Variants in EXOC4 observed in about 807,000 individuals in gnomAD.
EXOC4 encodes the protein SEC8-like 1.
Under a neutral mutation model 107.2 loss-of-function variants are expected in EXOC4, and 71 were observed. The ratio of observed to expected loss-of-function variants is 0.66; its 90% CI spans 0.55 to 0.81. The LOEUF (loss-of-function observed/expected upper bound fraction) is 0.81. Among genes scored for constraint, EXOC4 ranks in the 30% least tolerant of loss-of-function variants. The probability of loss-of-function intolerance (pLI) is 0.00; values close to 1 mark genes in which losing one functional copy is unlikely to be tolerated. For missense variants in EXOC4, 1,108 were observed against 1,189.6 expected (o/e 0.93, Z 1.01); for synonymous variants, 456 against 441.2 (o/e 1.03, Z -0.42).
chr7:133,692,979 A>G (rs1179664493), intron 10 of EXOC4, among the ~76,000 whole-genome samples: 1 of 152,202 alleles, frequency 6.6e-6, no homozygotes, highest in African/African-American at 2.4e-5. Context: ...GGATAGGGAA[A>G]CTGAGGTCCA....
chr7:133,344,544 G>A (rs1270129862), intron 5 of EXOC4, among the ~76,000 whole-genome samples: 1 of 152,028 alleles, frequency 6.6e-6, no homozygotes, highest in African/African-American at 2.4e-5. Flanking sequence ...TCTTGTCATC[G>A]GGTAGGATTC....
Position 134,056,151 on chromosome 7 carries a change from G to A in EXOC4, c.2688-8140G>A, listed in dbSNP as rs972725543. 5.3e-5 allele frequency among the ~76,000 whole-genome samples: 8 copies of A among 152,222 alleles called. 1 individual carries two copies. The South Asian group carries it at 1.5e-3, about 28-fold the overall frequency. On this transcript the variant is annotated intron_variant, in intron 17 of 17. Transcript: ENST00000253861. ...TGGTCACTAAAGTATATAATACAAT[G>A]TCCTTTTTATCACCCTATGATATTA... is the stretch of plus-strand genomic sequence containing the variant.
intron 16 of EXOC4, among the ~76,000 whole-genome samples, chr7:134,005,960 T>C (rs184916195): frequency 1.3e-5 from 2 of 152,294 alleles, no homozygotes; most frequent in East Asian, 3.9e-4. Context: ...TGTTGGGGTA[T>C]ATCTCTCAAA....
chr7:134,034,862 C>T (rs767707598), intron 17 of EXOC4, among the ~76,000 whole-genome samples: 5 of 152,040 alleles, frequency 3.3e-5, no homozygotes, highest in Non-Finnish European at 7.4e-5. Context: ...TATTGTTTTT[C>T]GTGAATCATC....
chr7:133,762,099 G>A (rs1796044365), intron 10 of EXOC4, among the ~76,000 whole-genome samples: 1 of 152,160 alleles, frequency 6.6e-6, no homozygotes, highest in Non-Finnish European at 1.5e-5. Flanking sequence ...AGAGCTCTGA[G>A]TGGAATCCAT....
chr7:133,690,086 T>TATC, intron 10 of EXOC4, among the ~76,000 whole-genome samples: 1 of 152,306 alleles, frequency 6.6e-6, no homozygotes, highest in African/African-American at 2.4e-5. Context: ...GAGATTTGGC[T>TATC]ATCATCTCTC....
chr7:133,779,512 T>A (rs929354579), intron 10 of EXOC4, among the ~76,000 whole-genome samples: 6 of 152,226 alleles, frequency 3.9e-5, no homozygotes, highest in African/African-American at 1.4e-4. Context: ...GAGTTCTTGA[T>A]ATTTAGGTCA....
intron 10 of EXOC4, among the ~76,000 whole-genome samples, chr7:133,780,398 A>T (rs1251841668): frequency 6.6e-6 from 1 of 152,054 alleles, no homozygotes; most frequent in Non-Finnish European, 1.5e-5. Context: ...CAGAAAATTA[A>T]TGATATTAGC....
rs145406815 is a variant in EXOC4, at chr7:133,412,190, G to A, written c.1182+37188G>A. Among the ~76,000 whole-genome samples the A allele has an allele frequency of 8.3e-3, 1,243 of 148,930 alleles. 11 individuals carry two copies. The highest frequency in any genetic ancestry group is 0.014 in the Non-Finnish European group (970 of 67,468). On this transcript the variant is annotated intron_variant, in intron 7 of 17. Transcript: ENST00000253861. ...GCTGGGTCAAAGTTAGTCTTGCTCT[G>A]TATTGGGCAATCTAAATTTAAGCCT...
chr7:134,075,280 G>T, the EXOC4 span, among the ~76,000 whole-genome samples: 1 of 152,302 alleles, frequency 6.6e-6, no homozygotes, highest in South Asian at 2.1e-4. Context: ...TTTTCATTAG[G>T]TTCTCAATAT....
At chr7:133,686,205 C>G (rs1231300967) in intron 10 of EXOC4, among the ~76,000 whole-genome samples, 3 of 152,104 alleles carry the variant, frequency 2.0e-5, no homozygotes, top group African/African-American at 7.2e-5. Context: ...AGCCCCTTGA[C>G]CTTGGACTTT....
chr7:133,986,262 A>C (rs2116934274), intron 14 of EXOC4, among the ~76,000 whole-genome samples: 1 of 152,364 alleles, frequency 6.6e-6, no homozygotes, highest in South Asian at 2.1e-4. Flanking sequence ...GAGGCAGAAG[A>C]ACTATTGCTT....
Position 133,658,211 on chromosome 7 carries a change from G to A in EXOC4, c.1514+28070G>A, listed in dbSNP as rs12535800. Among the ~76,000 whole-genome samples the A allele has an allele frequency of 8.1e-3, 1,238 of 152,262 alleles. 11 individuals carry two copies. The highest frequency in any genetic ancestry group is 0.013 in the Non-Finnish European group (865 of 68,000). ...GAGCGAGAGAGATCCCAATACATCC[G>A]TGAGGACTGTTTGAGTCTAAGATCT... On this transcript the variant is annotated intron_variant, in intron 10 of 17. Transcript: ENST00000253861.
At chr7:133,396,996 C>T (rs904903855) in intron 7 of EXOC4, among the ~76,000 whole-genome samples, 4 of 152,158 alleles carry the variant, frequency 2.6e-5, no homozygotes, top group Non-Finnish European at 5.9e-5. Flanking sequence ...CTGTTTGTCA[C>T]AACAATAATC....
At chr7:133,712,803 A>G (rs1181339309) in intron 10 of EXOC4, among the ~76,000 whole-genome samples, 1 of 152,228 alleles carries the variant, frequency 6.6e-6, no homozygotes, top group Non-Finnish European at 1.5e-5. Flanking sequence ...AATACATGCT[A>G]CAACACGGAT....
intron 9 of EXOC4, among the ~76,000 whole-genome samples, chr7:133,506,299 C>T (rs1364458396): frequency 2.0e-5 from 3 of 152,038 alleles, no homozygotes; most frequent in African/African-American, 7.2e-5. Context: ...TATTAAACCC[C>T]TCAAAAAATT....
chr7:133,762,356 G>T (rs1796049451), intron 10 of EXOC4, among the ~76,000 whole-genome samples: 1 of 152,080 alleles, frequency 6.6e-6, no homozygotes, highest in East Asian at 1.9e-4. Flanking sequence ...TGTCATAAAT[G>T]GCTGGTGAAT....
At chr7:133,825,683 G>A (rs1362449572) in intron 11 of EXOC4, among the ~76,000 whole-genome samples, 3 of 152,174 alleles carry the variant, frequency 2.0e-5, no homozygotes, top group African/African-American at 7.2e-5. Flanking sequence ...TATGAAGAAT[G>A]TTGCATTTGA....
chr7:133,919,098 G>A (rs568914051), intron 13 of EXOC4, among the ~76,000 whole-genome samples: 2 of 152,246 alleles, frequency 1.3e-5, no homozygotes, highest in African/African-American at 4.8e-5. Context: ...GAAAGTGCAT[G>A]TGTAATTTAA....
Sources: gnomAD v4.1 joint callset for allele counts (sites outside exome capture counted in the v4.1 genomes callset) on GRCh38, gnomAD v4.1.1 for gene constraint, MANE v1.5 for transcripts, NCBI Gene and HGNC (gene_info 2026-07-23, HGNC 2026-07-21) for gene names.